The following ROBO2 variants were observed in gnomAD, a reference collection of about 807,000 sequenced individuals.
The protein encoded by ROBO2 is roundabout homolog 2.
ROBO2 carries 53 observed loss-of-function variants against 160.8 expected under a neutral mutation model. The observed-to-expected ratio is 0.33, with a 90% CI of 0.26 to 0.41. The LOEUF is 0.41. ROBO2 is among the 10% of genes least tolerant of loss of function. The pLI, the probability that ROBO2 is intolerant of heterozygous loss-of-function variation, is 1.00. For missense variants in ROBO2, 1,577 were observed against 1,722.4 expected (o/e 0.92, Z 1.49); for synonymous variants, 664 against 611.7 (o/e 1.09, Z -1.26).
intron 2 of ROBO2, among the ~76,000 whole-genome samples, chr3:76,302,951 G>C (rs1161373610): frequency 1.3e-5 from 2 of 151,940 alleles, no homozygotes; most frequent in Non-Finnish European, 2.9e-5. Flanking sequence ...TCCCATGTTT[G>C]GATAAATTTA....
At chr3:76,356,214 T>C (rs7433039) in intron 2 of ROBO2, among the ~76,000 whole-genome samples, 143,688 of 151,552 alleles carry the variant, frequency 0.95, 68,452 homozygotes, top group Non-Finnish European at 1. Context: ...ATGGAAGAGG[T>C]CTAATGGAAT....
intron 24 of ROBO2, among the ~76,000 whole-genome samples, chr3:77,640,563 T>A (rs2095337266): frequency 6.6e-6 from 1 of 152,070 alleles, no homozygotes; most frequent in Non-Finnish European, 1.5e-5. Context: ...AGATTTTTAA[T>A]TACTTTGTGC....
chr3:76,935,099 A>G (rs968926395), intron 2 of ROBO2, among the ~76,000 whole-genome samples: 1 of 151,902 alleles, frequency 6.6e-6, no homozygotes. Context: ...CTATAGGCAC[A>G]TGCCACCACA....
chr3:77,062,922 C>T (rs1444750965), intron 1 of ROBO2, among the ~76,000 whole-genome samples: 1 of 152,070 alleles, frequency 6.6e-6, no homozygotes, highest in Non-Finnish European at 1.5e-5. Flanking sequence ...AGTGCCAGAG[C>T]TAATCTAGTC....
At chr3:76,923,884 G>A (rs1247688331) in intron 2 of ROBO2, among the ~76,000 whole-genome samples, 3 of 152,200 alleles carry the variant, frequency 2.0e-5, no homozygotes, top group African/African-American at 7.2e-5. Context: ...ATGTGAATAT[G>A]CGTTTGTGTT....
At chr3:76,282,407 A>G (rs922363116) in intron 2 of ROBO2, among the ~76,000 whole-genome samples, 9 of 152,030 alleles carry the variant, frequency 5.9e-5, no homozygotes, top group African/African-American at 1.9e-4. Flanking sequence ...GAATCATACT[A>G]ACCTTGTCAC....
At chr3:75,926,178 T>C (rs868777500) in intron 1 of ROBO2, among the ~76,000 whole-genome samples, 3 of 152,126 alleles carry the variant, frequency 2.0e-5, no homozygotes, top group African/African-American at 7.2e-5. Context: ...TTGCAAGAAA[T>C]AAAATTCTCA....
intron 2 of ROBO2, among the ~76,000 whole-genome samples, chr3:75,974,677 C>T (rs1163419530): frequency 6.6e-6 from 1 of 151,426 alleles, no homozygotes; most frequent in African/African-American, 2.4e-5. Context: ...GTTAGGTAAA[C>T]ATTTATAATG....
intron 2 of ROBO2, among the ~76,000 whole-genome samples, chr3:76,815,529 T>G (rs2065592428): frequency 2.0e-5 from 3 of 152,140 alleles, no homozygotes; most frequent in Non-Finnish European, 1.5e-5. Context: ...TGTTGTGTTT[T>G]CAACTATTTT....
chr3:76,281,039 G>A (rs148823932), intron 2 of ROBO2, among the ~76,000 whole-genome samples: 12,066 of 151,856 alleles, frequency 0.079, 827 homozygotes, highest in African/African-American at 0.18. Context: ...TTCACTTCTA[G>A]GAATCTGTCC....
chr3:76,521,902 C>A (rs1490637685), intron 2 of ROBO2, among the ~76,000 whole-genome samples: 1 of 152,096 alleles, frequency 6.6e-6, no homozygotes, highest in Non-Finnish European at 1.5e-5. Flanking sequence ...TGTTTATAAG[C>A]CACGTGGCAA....
chr3:75,923,099 T>G (rs1947137494), intron 1 of ROBO2, among the ~76,000 whole-genome samples: 1 of 152,226 alleles, frequency 6.6e-6, no homozygotes, highest in Non-Finnish European at 1.5e-5. Context: ...TCAAGAATGC[T>G]TTTTTAAGTA....
intron 2 of ROBO2, among the ~76,000 whole-genome samples, chr3:76,189,145 A>G (rs1701895291): frequency 6.6e-6 from 1 of 152,078 alleles, no homozygotes; most frequent in Admixed American, 6.6e-5. Context: ...ATGAGGATGT[A>G]TAGTAAAACA....
intron 2 of ROBO2, among the ~76,000 whole-genome samples, chr3:76,171,344 G>T (rs997506667): frequency 2.3e-5 from 3 of 133,186 alleles, no homozygotes; most frequent in Non-Finnish European, 4.9e-5. Context: ...AGAAGAAAAA[G>T]AAAAAAAAAA....
At chr3:76,874,298 C>T (rs992307786) in intron 2 of ROBO2, among the ~76,000 whole-genome samples, 1 of 151,804 alleles carries the variant, frequency 6.6e-6, no homozygotes, top group Non-Finnish European at 1.5e-5. Context: ...AAGAATCTTC[C>T]AAAGTCAAAC....
chr3:76,911,784 C>T (rs1019615203), intron 2 of ROBO2, among the ~76,000 whole-genome samples: 31 of 148,236 alleles, frequency 2.1e-4, no homozygotes, highest in African/African-American at 7.8e-4. Context: ...TCCAAAAAGA[C>T]AACAATAACA....
At chr3:76,948,904 A>ATT (rs2078767348) in intron 2 of ROBO2, among the ~76,000 whole-genome samples, 1 of 24,846 alleles carries the variant, frequency 4.0e-5, no homozygotes, top group Non-Finnish European at 6.8e-5. Context: ...ATATATATAT[A>ATT]TATATTTTTT....
At chr3:76,969,286 C>T (rs2059456659) in intron 2 of ROBO2, among the ~76,000 whole-genome samples, 1 of 152,116 alleles carries the variant, frequency 6.6e-6, no homozygotes, top group Non-Finnish European at 1.5e-5. Context: ...AATTTAATGA[C>T]TAATTGAAAT....
intron 2 of ROBO2, among the ~76,000 whole-genome samples, chr3:76,004,618 C>T (rs188177502): frequency 3.5e-3 from 529 of 152,136 alleles, no homozygotes; most frequent in African/African-American, 0.011. Context: ...GGGATATCTC[C>T]GGGGTCTCTT....
Sources: allele counts gnomAD v4.1 joint callset (sites outside exome capture counted in the v4.1 genomes callset), GRCh38; gene constraint gnomAD v4.1.1; transcripts MANE v1.5; gene names NCBI Gene and HGNC (gene_info 2026-07-23, HGNC 2026-07-21).